Variants in AFF1 observed in about 807,000 individuals in gnomAD.
The protein encoded by AFF1 is ALF transcription elongation factor 1.
In AFF1, 48 loss-of-function variants were observed where a neutral mutation model predicts 121.7. The observed-to-expected ratio is 0.39, with a 90% CI of 0.31 to 0.50. The LOEUF (loss-of-function observed/expected upper bound fraction) is 0.50, where lower values mean the gene tolerates loss of function less well. AFF1 is among the 20% of genes least tolerant of loss of function. The pLI, the probability that AFF1 is intolerant of heterozygous loss-of-function variation, is 0.76. For synonymous variants in AFF1, 613 were observed against 563.0 expected (o/e 1.09, Z -1.26); for missense variants, 1,523 against 1,511.7 (o/e 1.01, Z -0.12).
At chr4:87,041,244 G>T (rs1730115936) in intron 2 of AFF1, among the ~76,000 whole-genome samples, 1 of 152,128 alleles carries the variant, frequency 6.6e-6, no homozygotes, top group Non-Finnish European at 1.5e-5. Flanking sequence ...CTCTCACAGG[G>T]TTGTTGTGAA....
At chr4:86,977,157 C>T (rs148822764) in intron 2 of AFF1, among the ~76,000 whole-genome samples, 18 of 152,088 alleles carry the variant, frequency 1.2e-4, no homozygotes, top group Non-Finnish European at 2.4e-4. Context: ...TCTAAGACCC[C>T]CAGTGAGTCC....
At chr4:86,990,255 G>A (rs1724597332) in intron 2 of AFF1, among the ~76,000 whole-genome samples, 1 of 151,264 alleles carries the variant, frequency 6.6e-6, no homozygotes, top group Non-Finnish European at 1.5e-5. Context: ...GGCTGAGGCA[G>A]GAGAATTGCT....
intron 4 of AFF1, among the ~76,000 whole-genome samples, chr4:87,079,525 T>C (rs1722972485): frequency 1.3e-5 from 2 of 152,204 alleles, no homozygotes; most frequent in Admixed American, 1.3e-4. Flanking sequence ...CTTGAAAAAA[T>C]GTTTTAGGTT....
intron 16 of AFF1, among the ~76,000 whole-genome samples, chr4:87,129,723 GA>G (rs778630705): frequency 2.6e-5 from 4 of 152,146 alleles, no homozygotes; most frequent in Non-Finnish European, 4.4e-5. Context: ...TGAATATTCT[GA>G]AATATACATG....
chr4:87,005,206 T>G (rs1043152947), intron 2 of AFF1, among the ~76,000 whole-genome samples: 1 of 152,220 alleles, frequency 6.6e-6, no homozygotes, highest in Non-Finnish European at 1.5e-5. Flanking sequence ...ATCAAACTCC[T>G]GAGCTTAAGC....
intron 4 of AFF1, among the ~76,000 whole-genome samples, chr4:87,082,941 T>G (rs978264400): frequency 6.6e-6 from 1 of 152,176 alleles, no homozygotes; most frequent in Non-Finnish European, 1.5e-5. Flanking sequence ...GTTCTCTAGC[T>G]GCGAGGTAGG....
At chr4:86,992,885 G>A (rs1724839607) in intron 2 of AFF1, among the ~76,000 whole-genome samples, 1 of 152,188 alleles carries the variant, frequency 6.6e-6, no homozygotes, top group African/African-American at 2.4e-5. Flanking sequence ...TAGATTAATT[G>A]TAATTTCAAG....
intron 5 of AFF1, 59 bp downstream of exon 5, chr4:87,084,223 C>G (rs1004205711): frequency 2.6e-6 from 4 of 1,543,816 alleles, no homozygotes; most frequent in Admixed American, 1.7e-5. Context: ...AGGCGTACAT[C>G]CATTTACTTT....
At chr4:86,971,901 C>T (rs766029075) in intron 2 of AFF1, among the ~76,000 whole-genome samples, 13 of 152,058 alleles carry the variant, frequency 8.5e-5, no homozygotes, top group Non-Finnish European at 1.6e-4. Flanking sequence ...CTTGGGGAGG[C>T]TAAGACTGGA....
intron 2 of AFF1, among the ~76,000 whole-genome samples, chr4:87,025,932 T>C (rs891512156): frequency 2.7e-4 from 41 of 152,272 alleles, no homozygotes; most frequent in African/African-American, 9.6e-4. Context: ...TCCTGGGTGC[T>C]CTGTGGGTTA....
intron 2 of AFF1, among the ~76,000 whole-genome samples, chr4:86,961,405 ACT>A (rs951367490): frequency 5.9e-5 from 9 of 151,354 alleles, no homozygotes; most frequent in African/African-American, 1.7e-4. Flanking sequence ...CTGGTTTAAA[ACT>A]CTGAGTTTTG....
chr4:86,956,378 C>T (rs183011289), intron 2 of AFF1, among the ~76,000 whole-genome samples: 2 of 152,238 alleles, frequency 1.3e-5, no homozygotes, highest in African/African-American at 4.8e-5. Flanking sequence ...CTAAATTTTG[C>T]ATATAAGAAG....
At chr4:86,972,970 TA>T (rs1239265196) in intron 2 of AFF1, among the ~76,000 whole-genome samples, 1 of 152,174 alleles carries the variant, frequency 6.6e-6, no homozygotes, top group Non-Finnish European at 1.5e-5. Context: ...TTAGGGCTAG[TA>T]GCCCTAGAAG....
intron 6 of AFF1, among the ~76,000 whole-genome samples, chr4:87,091,270 G>T (rs1724281413): frequency 6.6e-6 from 1 of 152,052 alleles, no homozygotes; most frequent in Non-Finnish European, 1.5e-5. Context: ...GGGTGTGGTG[G>T]CGGGCACCTG....
rs754303129 is a variant in AFF1 at position 87,114,475 on chromosome 4, C to T, written c.1642C>T (p.His548Tyr). 69 of 1,613,690 alleles carry T rather than the reference C, an allele frequency of 4.3e-5. No homozygotes were observed. The highest frequency in any genetic ancestry group is 4.3e-5 in the Non-Finnish European group (51 of 1,180,004). The change falls in exon 12 of 21, where the codon CAC (histidine) becomes TAC (tyrosine). Residue 548 changes from histidine (H) to tyrosine (Y), a missense_variant. His to Tyr is a moderately conservative substitution (Grantham distance 83). Transcript: ENST00000395146. ...CAGGAGCACAGAGCCCCCACGGCGG[C>T]ACCCAGAGAGTAAGGGCAGCAGCGA... is the stretch of plus-strand genomic sequence containing the variant. ...GPRSTEPPRR[H>Y]PESKGSSDSA...
chr4:87,016,105 C>T (rs891448750), intron 2 of AFF1, among the ~76,000 whole-genome samples: 2 of 150,990 alleles, frequency 1.3e-5, no homozygotes, highest in Admixed American at 6.6e-5. Context: ...TGCTTGAACT[C>T]GGGAGGTGGA....
At chr4:87,051,498 G>T (rs961453410) in intron 4 of AFF1, among the ~76,000 whole-genome samples, 5 of 148,866 alleles carry the variant, frequency 3.4e-5, no homozygotes, top group African/African-American at 1.0e-4. Context: ...GTCTTGCTCT[G>T]TCGCCAGGCT....
At chr4:87,026,692 G>A (rs1023683141) in intron 2 of AFF1, among the ~76,000 whole-genome samples, 2 of 152,142 alleles carry the variant, frequency 1.3e-5, no homozygotes, top group African/African-American at 4.8e-5. Context: ...GCAGGGAGGA[G>A]GTTTATTGCA....
In AFF1 at chr4:87,047,513, G is replaced by A. The variant is rs1282172004; in HGVS notation, c.978G>A (p.Gln326=). Residue 326 remains glutamine, a synonymous_variant, in exon 4 of 21, where the codon CAG becomes CAA. Transcript: ENST00000395146. The part of the protein sequence containing the change: ...ELKPLPEDYR[Q]QTFEKTDLKV... ...AACCACTGCCGGAGGACTATCGACA[G>A]CAGACCTTTGAAAAAACAGACTTGA... 2.5e-6 allele frequency: 4 copies of A among 1,614,090 alleles called. No homozygotes were observed. Among genetic ancestry groups the A allele is most frequent in the Non-Finnish European group, 1.7e-6 (2 of 1,180,056 alleles).
Sources: gnomAD v4.1 joint callset for allele counts (sites outside exome capture counted in the v4.1 genomes callset) on GRCh38, gnomAD v4.1.1 for gene constraint, MANE v1.5 for transcripts, NCBI Gene and HGNC (gene_info 2026-07-23, HGNC 2026-07-21) for gene names.